The following HIVEP3 variants were observed in gnomAD, a reference collection of about 807,000 sequenced individuals.
HIVEP3 encodes transcription factor HIVEP3.
A neutral mutation model predicts 152.8 loss-of-function variants in HIVEP3; 49 were observed. That is an observed-to-expected ratio of 0.32 (90% confidence interval 0.26 to 0.41). The LOEUF is 0.41. HIVEP3 is among the 10% of genes least tolerant of loss of function. The probability of loss-of-function intolerance (pLI) is 1.00; values close to 1 mark genes in which losing one functional copy is unlikely to be tolerated. For missense variants in HIVEP3, 2,790 were observed against 3,103.3 expected (o/e 0.90, Z 2.40); for synonymous variants, 1,269 against 1,289.0 (o/e 0.98, Z 0.33).
intron 1 of HIVEP3, among the ~76,000 whole-genome samples, chr1:42,033,006 C>G (rs1394324479): frequency 6.6e-6 from 1 of 152,084 alleles, no homozygotes; most frequent in African/African-American, 2.4e-5. Context: ...AAATGTTTGA[C>G]CCTGGAGGTG....
intron 3 of HIVEP3, among the ~76,000 whole-genome samples, chr1:41,618,869 A>G (rs995925782): frequency 3.9e-5 from 6 of 152,194 alleles, no homozygotes; most frequent in Admixed American, 1.3e-4. Context: ...CCCATCTGTC[A>G]GCAAATCATG....
chr1:41,670,182 C>G (rs547000216), intron 2 of HIVEP3, among the ~76,000 whole-genome samples: 1 of 152,222 alleles, frequency 6.6e-6, no homozygotes, highest in South Asian at 2.1e-4. Context: ...TTTGGGTAGC[C>G]CTTTATGGTT....
chr1:41,720,696 G>A (rs1262262713), intron 1 of HIVEP3, among the ~76,000 whole-genome samples: 2 of 152,072 alleles, frequency 1.3e-5, no homozygotes, highest in African/African-American at 4.8e-5. Flanking sequence ...CCCACTGCTG[G>A]GTATTTATCC....
At chr1:41,561,203 TCA>T in intron 5 of HIVEP3, among the ~76,000 whole-genome samples, 1 of 152,144 alleles carries the variant, frequency 6.6e-6, no homozygotes, top group South Asian at 2.1e-4. Context: ...GAAGAGAAAC[TCA>T]CAAAGAGCAA....
chr1:41,667,707 A>G (rs1273486390), intron 2 of HIVEP3, among the ~76,000 whole-genome samples: 2 of 152,212 alleles, frequency 1.3e-5, no homozygotes, highest in Non-Finnish European at 2.9e-5. Flanking sequence ...CTGGCTGCTT[A>G]ACTCCCCTAT....
chr1:41,639,746 G>A (rs1276823478), intron 2 of HIVEP3, among the ~76,000 whole-genome samples: 1 of 152,194 alleles, frequency 6.6e-6, no homozygotes, highest in East Asian at 1.9e-4. Flanking sequence ...GTGACATGCA[G>A]CTGACAGCCT....
chr1:41,767,134 C>T (rs1361526729), intron 1 of HIVEP3, among the ~76,000 whole-genome samples: 1 of 152,134 alleles, frequency 6.6e-6, no homozygotes, highest in Non-Finnish European at 1.5e-5. Flanking sequence ...TGTCTGACAC[C>T]CACATCTCAT....
intron 1 of HIVEP3, among the ~76,000 whole-genome samples, chr1:41,846,589 G>C (rs1215803648): frequency 1.3e-5 from 2 of 152,184 alleles, no homozygotes; most frequent in Non-Finnish European, 2.9e-5. Context: ...TGGGCCAGAG[G>C]ATTATGTGAT....
intron 1 of HIVEP3, among the ~76,000 whole-genome samples, chr1:41,885,698 C>T (rs1196900218): frequency 7.5e-6 from 1 of 132,980 alleles, no homozygotes; most frequent in East Asian, 1.9e-4. Flanking sequence ...TTCCTCCTTC[C>T]CTTCCTCCTT....
At chr1:41,914,368 C>G (rs1289731215) in intron 1 of HIVEP3, among the ~76,000 whole-genome samples, 2 of 152,166 alleles carry the variant, frequency 1.3e-5, no homozygotes, top group African/African-American at 4.8e-5. Flanking sequence ...TATTCAATAA[C>G]CTGTTACTGA....
intron 3 of HIVEP3, among the ~76,000 whole-genome samples, chr1:41,608,728 G>A (rs1434359510): frequency 1.3e-5 from 2 of 152,124 alleles, no homozygotes; most frequent in African/African-American, 2.4e-5. Context: ...TCCGTCCCAC[G>A]GATGACTTCC....
At chr1:41,949,950 C>G (rs1236476379) in intron 1 of HIVEP3, among the ~76,000 whole-genome samples, 1 of 152,122 alleles carries the variant, frequency 6.6e-6, no homozygotes, top group Non-Finnish European at 1.5e-5. Context: ...GGTCATCGGC[C>G]AACCTCTCAA....
At chr1:41,691,411 C>T (rs1361743038) in intron 2 of HIVEP3, among the ~76,000 whole-genome samples, 1 of 152,162 alleles carries the variant, frequency 6.6e-6, no homozygotes, top group Non-Finnish European at 1.5e-5. Flanking sequence ...ATGTATGTAT[C>T]CCTCCAAAAT....
rs1230463879 is a variant in HIVEP3 at position 41,511,908 on chromosome 1, G to A, written c.6406-642C>T. 6.6e-6 allele frequency among the ~76,000 whole-genome samples: 1 copy of A among 152,144 alleles called. No homozygotes were observed. Among genetic ancestry groups the A allele is most frequent in the African/African-American group, 2.4e-5 (1 of 41,418 alleles). ...GTGCTCATGGGGTGGCAGCAGTGGT[G>A]TGTTGGTGCAATGGTGACAGTGGTG... On this transcript the variant is annotated intron_variant, in intron 8 of 8. Coordinates refer to ENST00000372583, the MANE Select transcript of HIVEP3 (RefSeq NM_024503.5). This position sits in a 1 kb window ranked among gnomAD's most constrained non-coding sequence, Gnocchi z 4.9.
At chr1:41,886,530 T>C (rs1414402134) in intron 1 of HIVEP3, among the ~76,000 whole-genome samples, 2 of 151,824 alleles carry the variant, frequency 1.3e-5, no homozygotes, top group South Asian at 4.2e-4. Flanking sequence ...CTGACCAACA[T>C]GGAGAAACCC....
intron 1 of HIVEP3, among the ~76,000 whole-genome samples, chr1:41,926,712 G>C (rs1237281560): frequency 6.6e-6 from 1 of 152,140 alleles, no homozygotes; most frequent in East Asian, 1.9e-4. Context: ...GCCTTAAGTG[G>C]AATAGTCATA....
At chr1:42,029,801 T>C (rs1242196006) in intron 1 of HIVEP3, among the ~76,000 whole-genome samples, 1 of 152,218 alleles carries the variant, frequency 6.6e-6, no homozygotes, top group African/African-American at 2.4e-5. Context: ...AATCCATTTT[T>C]GTATGCATAT....
chr1:41,791,914 C>T (rs1398634884), intron 1 of HIVEP3, among the ~76,000 whole-genome samples: 3 of 152,102 alleles, frequency 2.0e-5, no homozygotes, highest in African/African-American at 7.2e-5. Context: ...ACCCTTCCCC[C>T]TCTCCTCCAT....
At chr1:41,557,577 G>A (rs1643986489) in intron 5 of HIVEP3, among the ~76,000 whole-genome samples, 1 of 152,090 alleles carries the variant, frequency 6.6e-6, no homozygotes, top group Non-Finnish European at 1.5e-5. Context: ...CCAGCCTGGA[G>A]TCACCTTTGG....
Sources: gnomAD v4.1 joint callset for allele counts (sites outside exome capture counted in the v4.1 genomes callset) on GRCh38, gnomAD v4.1.1 for gene constraint, Gnocchi (gnomAD v3.1) non-coding constraint, MANE v1.5 for transcripts, NCBI Gene and HGNC (gene_info 2026-07-23, HGNC 2026-07-21) for gene names.